The following DISP1 variants were observed in gnomAD, a reference collection of about 807,000 sequenced individuals.
DISP1 encodes the protein dispatched RND transporter family member 1.
Under a neutral mutation model 37.3 loss-of-function variants are expected in DISP1, and 30 were observed. The observed-to-expected ratio is 0.80, with a 90% CI of 0.60 to 1.09. The LOEUF is 1.09. Ranked by LOEUF, DISP1 falls within the 50% of genes least tolerant of loss-of-function variation. The probability of loss-of-function intolerance (pLI) is 0.00; values close to 1 mark genes in which losing one functional copy is unlikely to be tolerated. For synonymous variants in DISP1, 634 were observed against 690.2 expected, an observed-to-expected ratio of 0.92 and a Z score of 1.28; for missense variants, 1,598 against 1,879.5, an observed-to-expected ratio of 0.85 and a Z score of 2.77.
chr1:222,859,059 T>C (rs1191113886), intron 1 of DISP1, among the ~76,000 whole-genome samples: 1 of 152,090 alleles, frequency 6.6e-6, no homozygotes, highest in Non-Finnish European at 1.5e-5. Context: ...CTATTCACAA[T>C]AGCAAAGACA....
intron 3 of DISP1, among the ~76,000 whole-genome samples, chr1:222,943,766 T>A (rs1269464235): frequency 6.6e-6 from 1 of 152,166 alleles, no homozygotes; most frequent in Non-Finnish European, 1.5e-5. Flanking sequence ...CGGTGGCTCA[T>A]GCCTGTAATC....
chr1:222,962,196 A>T (rs914332966), intron 3 of DISP1, among the ~76,000 whole-genome samples: 7 of 152,190 alleles, frequency 4.6e-5, no homozygotes, highest in African/African-American at 1.7e-4. Context: ...TGCTACAAAA[A>T]GAATAAATAC....
At position 222,869,966 on chromosome 1, in the gene DISP1, T is replaced by G. The variant is rs1415038175; in HGVS notation, c.-159+54888T>G. On this transcript the variant is annotated intron_variant, in intron 1 of 8. Transcript: ENST00000675850. Reference sequence around the variant, plus strand: ...CCCCCCACCCCACAACAGTCCCCAGTGTGTGATGTTCCCCTTCCTGTGTCC... The same window carrying G: ...CCCCCCACCCCACAACAGTCCCCAGGGTGTGATGTTCCCCTTCCTGTGTCC... 6.1e-5 allele frequency among the ~76,000 whole-genome samples: 9 copies of G among 147,766 alleles called. No individual in the cohort carries two copies. The South Asian group carries it at 9.1e-4, about 15-fold the overall frequency.
chr1:223,003,599 C>T lies in DISP1; in HGVS notation c.2202C>T (p.Tyr734=). The T allele has an allele frequency of 5.6e-6, 9 of 1,614,236 alleles. No individual in the cohort carries two copies. Among genetic ancestry groups the T allele is most frequent in the Non-Finnish European group, 7.6e-6 (9 of 1,180,050 alleles). The part of the protein sequence containing the change: ...WFLALTVGGA[Y]IVCINPKMKL... ...TTGCCTTAACTGTAGGTGGGGCCTA[C>T]ATTGTATGTATAAATCCAAAGATGA... Residue 734 remains tyrosine, a synonymous_variant, in exon 9 of 9, where the codon TAC becomes TAT. Coordinates refer to ENST00000675850, the MANE Select transcript of DISP1 (RefSeq NM_001377229.1). The surrounding 1 kb of genome is among the most constrained non-coding windows in gnomAD (Gnocchi z 4.3).
At chr1:222,976,385 A>C (rs1323307752) in intron 3 of DISP1, among the ~76,000 whole-genome samples, 1 of 152,088 alleles carries the variant, frequency 6.6e-6, no homozygotes, top group African/African-American at 2.4e-5. Flanking sequence ...TTCTGGTAAG[A>C]GATTGCAAAA....
At chr1:222,835,097 A>G (rs771370561) in intron 1 of DISP1, 1 of 152,116 alleles carries the variant, frequency 6.6e-6, no homozygotes, top group African/African-American at 2.4e-5. Context: ...GACTAAATAT[A>G]TATTATGTTT....
chr1:223,004,715 C>T lies in DISP1; in HGVS notation c.3318C>T (p.Thr1106=), dbSNP rs746061719. 1 of 1,613,978 alleles carries T rather than the reference C, an allele frequency of 6.2e-7. No individual in the cohort carries two copies. Among genetic ancestry groups the T allele is most frequent in the Non-Finnish European group, 8.5e-7 (1 of 1,180,028 alleles). The change falls in exon 9 of 9, where the codon ACC becomes ACT. Residue 1106 remains threonine (T), a synonymous_variant. Transcript: ENST00000675850. This position sits in a 1 kb window ranked among gnomAD's most constrained non-coding sequence, Gnocchi z 4.9. ...MMMPSTVLAY[T]QLGTFMMLIM... is the part of the protein sequence containing the mutation. ...TGCCCTCCACAGTTCTAGCTTACAC[C>T]CAGCTGGGCACCTTCATGATGCTCA...
rs143065552 is a variant in DISP1, at chr1:222,942,877, C to T, written c.54C>T (p.Ile18=). Residue 18 remains isoleucine (I), a synonymous_variant, in exon 3 of 9, where the codon ATC becomes ATT. Coordinates refer to ENST00000675850, the MANE Select transcript of DISP1 (RefSeq NM_001377229.1). ...TTGTGGTTCTGAGCAACAGCAGCATCGCAACCAGTGCTGCTAACCCGAGTC... is the reference window on the plus strand; with the variant it reads ...TTGTGGTTCTGAGCAACAGCAGCATTGCAACCAGTGCTGCTAACCCGAGTC... ...NDFVVLSNSS[I]ATSAANPSPL... 2.7e-5 allele frequency: 43 copies of T among 1,614,138 alleles called. No individual in the cohort carries two copies. In the African/African-American group the frequency reaches 4.8e-4, roughly 18 times the overall value.
At chr1:223,000,124 A>G (rs1367078032) in intron 8 of DISP1, among the ~76,000 whole-genome samples, 1 of 152,102 alleles carries the variant, frequency 6.6e-6, no homozygotes, top group Non-Finnish European at 1.5e-5. Context: ...TATCTTTGGC[A>G]TTTGGTTATT....
chr1:222,868,646 C>G (rs1313730160), intron 1 of DISP1, among the ~76,000 whole-genome samples: 1 of 152,020 alleles, frequency 6.6e-6, no homozygotes, highest in East Asian at 1.9e-4. Context: ...GAACTTACAA[C>G]AGTGATGTCA....
intron 3 of DISP1, among the ~76,000 whole-genome samples, chr1:222,974,556 G>A (rs1032095997): frequency 6.6e-6 from 1 of 151,908 alleles, no homozygotes; most frequent in Non-Finnish European, 1.5e-5. Context: ...AGTTTATTTT[G>A]TATAGAAGCT....
intron 8 of DISP1, among the ~76,000 whole-genome samples, chr1:222,996,071 A>G (rs562402432): frequency 5.9e-5 from 9 of 152,262 alleles, no homozygotes; most frequent in African/African-American, 1.4e-4. Context: ...TGACTTTCCA[A>G]TCGACTGAGG....
At chr1:222,852,518 T>A (rs1200806801) in intron 1 of DISP1, among the ~76,000 whole-genome samples, 2 of 152,104 alleles carry the variant, frequency 1.3e-5, no homozygotes, top group Non-Finnish European at 2.9e-5. Flanking sequence ...CAAAGTTGTT[T>A]TCTTAACTAA....
At chr1:222,954,779 C>T (rs1675470764) in intron 3 of DISP1, among the ~76,000 whole-genome samples, 1 of 152,010 alleles carries the variant, frequency 6.6e-6, no homozygotes, top group African/African-American at 2.4e-5. Context: ...GAGGCCGAGG[C>T]AGGAGGATCA....
At chr1:222,848,335 G>T (rs763304031) in intron 1 of DISP1, among the ~76,000 whole-genome samples, 1 of 152,036 alleles carries the variant, frequency 6.6e-6, no homozygotes, top group Non-Finnish European at 1.5e-5. Context: ...GTATAAAATG[G>T]TCAACACGTA....
At chr1:222,942,591 G>T (rs1674464428) in intron 2 of DISP1, among the ~76,000 whole-genome samples, 1 of 152,080 alleles carries the variant, frequency 6.6e-6, no homozygotes, top group Non-Finnish European at 1.5e-5. Context: ...GGGAATAGAA[G>T]AGGGTTTTTA....
intron 1 of DISP1, among the ~76,000 whole-genome samples, chr1:222,840,612 G>A (rs1386486079): frequency 5.5e-5 from 8 of 146,742 alleles, no homozygotes; most frequent in African/African-American, 2.0e-4. Context: ...GCCTAGGCTG[G>A]AGTGCAGTGG....
rs1572261625 is a variant in DISP1, at chr1:222,834,332, G to A, written c.-159+19254G>A. 4.6e-5 allele frequency among the ~76,000 whole-genome samples: 7 copies of A among 152,290 alleles called. 2 individuals carry two copies. The highest frequency in any genetic ancestry group is 4.6e-4 in the Admixed American group (7 of 15,290). On this transcript the variant is annotated intron_variant, in intron 1 of 8. Coordinates refer to ENST00000675850, the MANE Select transcript of DISP1 (RefSeq NM_001377229.1). ...TGGTCCTTAAAAGTAAAGAGGGTGG[G>A]TGGTTACAGTGGGATTCTCTTTTAG...
chr1:222,852,914 T>A (rs1198064006), intron 1 of DISP1, among the ~76,000 whole-genome samples: 1 of 151,866 alleles, frequency 6.6e-6, no homozygotes, highest in African/African-American at 2.4e-5. Context: ...GCTCTGGGTG[T>A]ACAATAGTGA....
Sources: gnomAD v4.1 joint callset for allele counts (sites outside exome capture counted in the v4.1 genomes callset) on GRCh38, gnomAD v4.1.1 for gene constraint, Gnocchi (gnomAD v3.1) non-coding constraint, MANE v1.5 for transcripts, NCBI Gene and HGNC (gene_info 2026-07-23, HGNC 2026-07-21) for gene names.